The following ADGRL3 variants were observed in gnomAD, a reference collection of about 807,000 sequenced individuals.
ADGRL3 encodes calcium-independent alpha-latrotoxin receptor 3.
A neutral mutation model predicts 153.5 loss-of-function variants in ADGRL3; 62 were observed. The ratio of observed to expected loss-of-function variants is 0.40; its 90% CI spans 0.33 to 0.50. ADGRL3 has a LOEUF of 0.50. Ranked by LOEUF, ADGRL3 falls within the 20% of genes least tolerant of loss-of-function variation. The pLI is 0.47. For synonymous variants in ADGRL3, 710 were observed against 672.5 expected (o/e 1.06, Z -0.86); for missense variants, 1,641 against 1,859.4 (o/e 0.88, Z 2.16).
At chr4:61,920,987 T>C (rs2098766314) in intron 13 of ADGRL3, among the ~76,000 whole-genome samples, 4 of 152,104 alleles carry the variant, frequency 2.6e-5, no homozygotes, top group African/African-American at 9.7e-5. Flanking sequence ...CTTTTTCTTA[T>C]TTAATAACAC....
At chr4:61,846,209 T>TG (rs1489736005) in intron 9 of ADGRL3, among the ~76,000 whole-genome samples, 2 of 151,654 alleles carry the variant, frequency 1.3e-5, no homozygotes, top group Non-Finnish European at 2.9e-5. Flanking sequence ...CCTAGCTACT[T>TG]GGGGGGCTGA....
chr4:61,595,939 G>A (rs1391030283), intron 5 of ADGRL3, among the ~76,000 whole-genome samples: 1 of 152,084 alleles, frequency 6.6e-6, no homozygotes, highest in Non-Finnish European at 1.5e-5. Context: ...TGACAGGGCA[G>A]CACTGAATTC....
chr4:61,210,436 T>C (rs1739404540), intron 1 of ADGRL3, among the ~76,000 whole-genome samples: 1 of 152,078 alleles, frequency 6.6e-6, no homozygotes, highest in Non-Finnish European at 1.5e-5. Context: ...AGCCCAGTTT[T>C]TGATGTTCTG....
intron 13 of ADGRL3, among the ~76,000 whole-genome samples, chr4:61,926,950 T>A (rs1304130158): frequency 6.6e-6 from 1 of 152,222 alleles, no homozygotes; most frequent in Admixed American, 6.5e-5. Flanking sequence ...GTAAGTACAC[T>A]CTGTGCCCTT....
chr4:61,708,854 G>T (rs1365496245), intron 6 of ADGRL3, among the ~76,000 whole-genome samples: 1 of 151,932 alleles, frequency 6.6e-6, no homozygotes, highest in Non-Finnish European at 1.5e-5. Context: ...CTGTTGCCCA[G>T]GCTGGAGTAC....
intron 2 of ADGRL3, among the ~76,000 whole-genome samples, chr4:61,431,174 T>C (rs2097351372): frequency 6.6e-6 from 1 of 152,174 alleles, no homozygotes; most frequent in African/African-American, 2.4e-5. Context: ...CTTTATAGAC[T>C]CCGTCTTTTT....
chr4:61,978,800 A>G (rs887700698), intron 17 of ADGRL3, among the ~76,000 whole-genome samples: 1 of 152,132 alleles, frequency 6.6e-6, no homozygotes, highest in African/African-American at 2.4e-5. Flanking sequence ...TCTTAGCTCT[A>G]CTGTCTTCTA....
chr4:61,218,772 G>A (rs1286026388), intron 1 of ADGRL3, among the ~76,000 whole-genome samples: 1 of 152,200 alleles, frequency 6.6e-6, no homozygotes, highest in Non-Finnish European at 1.5e-5. Flanking sequence ...CTCAGTTCTT[G>A]TGAGGAACTC....
At chr4:61,436,698 T>C (rs954470759) in intron 2 of ADGRL3, among the ~76,000 whole-genome samples, 9 of 152,042 alleles carry the variant, frequency 5.9e-5, no homozygotes, top group African/African-American at 2.2e-4. Context: ...ATCATGGTGG[T>C]CCCTAACTTG....
chr4:61,481,508 CTT>C (rs1346607260), intron 2 of ADGRL3, among the ~76,000 whole-genome samples: 1 of 151,874 alleles, frequency 6.6e-6, no homozygotes, highest in Non-Finnish European at 1.5e-5. Context: ...AAAACGCACT[CTT>C]GACAAATGGT....
chr4:61,432,691 T>C (rs1175070088), intron 2 of ADGRL3, among the ~76,000 whole-genome samples: 1 of 148,158 alleles, frequency 6.7e-6, no homozygotes, highest in African/African-American at 2.5e-5. Flanking sequence ...TTCACTCTTG[T>C]TGCCCAGGCT....
At chr4:61,553,740 G>A (rs1046073574) in intron 4 of ADGRL3, among the ~76,000 whole-genome samples, 9 of 152,190 alleles carry the variant, frequency 5.9e-5, no homozygotes, top group African/African-American at 2.2e-4. Context: ...CAGTGGGAGT[G>A]TTTGGTTAAT....
At chr4:61,817,151 C>CT (rs1234366610) in intron 9 of ADGRL3, among the ~76,000 whole-genome samples, 1 of 74,482 alleles carries the variant, frequency 1.3e-5, no homozygotes, top group African/African-American at 6.8e-5. Flanking sequence ...GTCTGCAGAC[C>CT]CCCCCCCCCC....
intron 1 of ADGRL3, among the ~76,000 whole-genome samples, chr4:61,307,429 C>T (rs761388943): frequency 1.5e-4 from 23 of 152,198 alleles, no homozygotes; most frequent in Admixed American, 8.5e-4. Context: ...CCCAAATTCA[C>T]GTAGCAAATG....
intron 9 of ADGRL3, among the ~76,000 whole-genome samples, chr4:61,837,977 T>C (rs2097961712): frequency 6.6e-6 from 1 of 152,102 alleles, no homozygotes; most frequent in African/African-American, 2.4e-5. Context: ...ATGTGCTTCA[T>C]ACAGTTGAGG....
chr4:61,506,139 C>T (rs530943581), intron 3 of ADGRL3, among the ~76,000 whole-genome samples: 2 of 151,948 alleles, frequency 1.3e-5, no homozygotes. Context: ...GAGTTTAAAT[C>T]ACAGTTTATT....
intron 4 of ADGRL3, among the ~76,000 whole-genome samples, chr4:61,557,144 G>A (rs2098770992): frequency 6.6e-6 from 1 of 151,980 alleles, no homozygotes; most frequent in South Asian, 2.1e-4. Flanking sequence ...TTTTTTTCAG[G>A]TGAAAAGTTT....
intron 2 of ADGRL3, among the ~76,000 whole-genome samples, chr4:61,482,698 C>A (rs1417298337): frequency 1.3e-5 from 2 of 152,166 alleles, no homozygotes; most frequent in East Asian, 3.9e-4. Flanking sequence ...GCCATTAAAC[C>A]ATTTTAGGAA....
chr4:62,012,653 A>C (rs895080085), intron 21 of ADGRL3, among the ~76,000 whole-genome samples: 2 of 152,178 alleles, frequency 1.3e-5, no homozygotes, highest in Non-Finnish European at 2.9e-5. Flanking sequence ...CATTTCAGTA[A>C]ACATATCAGT....
Sources: allele counts gnomAD v4.1 joint callset (sites outside exome capture counted in the v4.1 genomes callset), GRCh38; gene constraint gnomAD v4.1.1; transcripts MANE v1.5; gene names NCBI Gene and HGNC (gene_info 2026-07-23, HGNC 2026-07-21).